PCTP: variants seen among roughly 807,000 people sequenced by gnomAD.
The protein encoded by PCTP is START domain-containing protein 2.
PCTP carries 27 observed loss-of-function variants against 31.0 expected under a neutral mutation model. That is an observed-to-expected ratio of 0.87 (90% CI 0.64 to 1.20). The LOEUF is 1.20. Among genes scored for constraint, PCTP ranks in the 50% most tolerant of loss-of-function variants. PCTP has a pLI of 0.00. For missense variants in PCTP, 287 were observed against 268.2 expected (o/e 1.07, Z -0.49); for synonymous variants, 108 against 101.2 (o/e 1.07, Z -0.40).
chr17:55,820,498 C>T lies in PCTP; in HGVS notation c.318-2263C>T, dbSNP rs1048660221. On this transcript the variant is annotated intron_variant, in intron 3 of 3. Transcript: ENST00000572536. ...GGGCCAAGGGGATGAATAGCTCCCT[C>T]GAACCTCTTTCATGAGGTCATTAAT... 4.6e-5 allele frequency among the ~76,000 whole-genome samples: 7 copies of T among 152,182 alleles called. No homozygotes were observed. The East Asian group carries it at 9.7e-4, about 21-fold the overall frequency.
chr17:55,754,114 G>A (rs1354303486), intron 1 of PCTP, among the ~76,000 whole-genome samples: 2 of 152,208 alleles, frequency 1.3e-5, no homozygotes, highest in Non-Finnish European at 2.9e-5. Context: ...TGCGGTGGAC[G>A]TCAGCTAGGT....
chr17:55,823,354 C>T (rs1905295769), downstream of PCTP, among the ~76,000 whole-genome samples: 1 of 152,078 alleles, frequency 6.6e-6, no homozygotes, highest in Non-Finnish European at 1.5e-5. Flanking sequence ...TATTCTACAC[C>T]CAAAGTTAAA....
downstream of PCTP, among the ~76,000 whole-genome samples, chr17:55,779,285 T>C (rs1911474954): frequency 6.6e-6 from 1 of 152,110 alleles, no homozygotes; most frequent in African/African-American, 2.4e-5. Context: ...TGCTGAAGGA[T>C]GATAAGTGCT....
intron 3 of PCTP, among the ~76,000 whole-genome samples, chr17:55,792,910 C>G (rs1912052891): frequency 6.6e-6 from 1 of 152,068 alleles, no homozygotes; most frequent in African/African-American, 2.4e-5. Flanking sequence ...CTGATTTTCT[C>G]AATGGCTTTG....
In PCTP at chr17:55,839,919, C is replaced by CAAAAAAAAAAAAAA. The variant is rs57402824; in HGVS notation, n.506-2793_506-2780dup. Reference sequence around the variant, plus strand: ...TGGGCGACAGAGCGAGACTCAGTCTCAAAAAAAAAAAAAAAAAAAAAAAAA... The same window carrying CAAAAAAAAAAAAAA: ...TGGGCGACAGAGCGAGACTCAGTCTCAAAAAAAAAAAAAAAAAAAAAAAAAAAAAAAAAAAAAAA... On this transcript the variant is annotated intron_variant and non_coding_transcript_variant, in intron 5 of 5. Transcript: ENST00000576221. Among the ~76,000 whole-genome samples the CAAAAAAAAAAAAAA allele has an allele frequency of 3.6e-3, 45 of 12,502 alleles. 2 individuals are homozygous for CAAAAAAAAAAAAAA. The highest frequency in any genetic ancestry group is 6.0e-3 in the Non-Finnish European group (37 of 6,190). The allele number at this position is 12,502 out of a possible 152,430, so 8.2% of individuals were successfully genotyped here.
At chr17:55,820,252 T>A (rs1044799236) in intron 3 of PCTP, among the ~76,000 whole-genome samples, 1 of 152,176 alleles carries the variant, frequency 6.6e-6, no homozygotes, top group African/African-American at 2.4e-5. Context: ...TGGGAGAAAA[T>A]TTCTGCAAAT....
At chr17:55,848,276 C>A in the PCTP span, among the ~76,000 whole-genome samples, 3 of 152,140 alleles carry the variant, frequency 2.0e-5, no homozygotes, top group East Asian at 1.9e-4. Context: ...TAAAATTAAC[C>A]ATCATATTAC....
chr17:55,767,186 T>C (rs1004844306), intron 1 of PCTP, 149 bp from the exon 2 acceptor site: 5 of 422,828 alleles, frequency 1.2e-5, no homozygotes, highest in African/African-American at 2.1e-5. Context: ...GAGTAGGTTG[T>C]GAAAATTTTC....
rs1429987817 is a variant in PCTP, at chr17:55,767,410, A to G, written c.217A>G (p.Met73Val). 5.6e-6 allele frequency: 9 copies of G among 1,612,752 alleles called. No homozygotes were observed. In the African/African-American group the frequency reaches 1.1e-4, roughly 19 times the overall value. ...ACCAACTCTACTGGCAGACATCTAT[A>G]TGGACTCAGATTACAGAAAACAATG... Reference protein sequence around the residue: ...CSPTLLADIYMDSDYRKQWDQ... With the variant: ...CSPTLLADIYVDSDYRKQWDQ... Residue 73 changes from methionine to valine, a missense_variant, in exon 2 of 6, where the codon ATG (methionine) becomes GTG (valine). Physicochemically the swap from Met to Val is conservative, Grantham distance 21. Coordinates refer to ENST00000268896, the MANE Select transcript of PCTP (RefSeq NM_021213.4).
Position 55,751,142 on chromosome 17 carries a change from C to T in PCTP, c.39C>T (p.Phe13=), listed in dbSNP as rs559871573. The T allele has an allele frequency of 7.6e-5, 118 of 1,547,324 alleles. No homozygotes were observed. In the African/African-American group the frequency reaches 1.5e-3, roughly 19 times the overall value. ...LAAGSFSEEQ[F]WEACAELQQP... is the part of the protein sequence containing the mutation. The stretch of plus-strand genomic sequence containing the variant: ...CCGGAAGCTTCTCGGAGGAGCAGTT[C>T]TGGGAGGCCTGCGCCGAGCTCCAGC... The change falls in exon 1 of 6, where the codon TTC becomes TTT. Residue 13 remains phenylalanine, a synonymous_variant. Coordinates refer to ENST00000268896, the MANE Select transcript of PCTP (RefSeq NM_021213.4).
At chr17:55,799,197 C>G (rs1038948212) in intron 3 of PCTP, among the ~76,000 whole-genome samples, 3 of 151,870 alleles carry the variant, frequency 2.0e-5, no homozygotes, top group Admixed American at 1.3e-4. Context: ...AGTGTGTTAA[C>G]TATTCAAACA....
intron 2 of PCTP, among the ~76,000 whole-genome samples, chr17:55,782,853 G>A (rs1156539026): frequency 3.3e-5 from 5 of 152,156 alleles, no homozygotes; most frequent in African/African-American, 9.7e-5. Flanking sequence ...TGTCTGCATA[G>A]CATGTAATAC....
intron 1 of PCTP, chr17:55,751,552 C>A: frequency 7.2e-7 from 1 of 1,384,638 alleles, no homozygotes; most frequent in Non-Finnish European, 9.5e-7. Flanking sequence ...TAGGCCCGTG[C>A]ACACGTCTGC....
At chr17:55,766,947 T>C (rs1466260004) in intron 1 of PCTP, among the ~76,000 whole-genome samples, 7 of 152,158 alleles carry the variant, frequency 4.6e-5, no homozygotes, top group African/African-American at 7.2e-5. Flanking sequence ...TTTTAATGAT[T>C]GCCATTCTAA....
chr17:55,789,262 T>G (rs1567721932), intron 3 of PCTP, among the ~76,000 whole-genome samples: 1 of 152,176 alleles, frequency 6.6e-6, no homozygotes, highest in Non-Finnish European at 1.5e-5. Flanking sequence ...CTCTTTCCTC[T>G]TTGAAAAATA....
At chr17:55,757,874 A>T (rs1478909671) in intron 1 of PCTP, among the ~76,000 whole-genome samples, 1 of 152,212 alleles carries the variant, frequency 6.6e-6, no homozygotes, top group South Asian at 2.1e-4. Flanking sequence ...TGAAAGTGAG[A>T]CCAAAAAATG....
chr17:55,804,397 A>G (rs1328181994), intron 3 of PCTP, among the ~76,000 whole-genome samples: 1 of 152,230 alleles, frequency 6.6e-6, no homozygotes, highest in Non-Finnish European at 1.5e-5. Context: ...TCATTCTACT[A>G]TAAAGACACA....
At chr17:55,794,869 C>T (rs1442802766) in intron 3 of PCTP, among the ~76,000 whole-genome samples, 1 of 151,982 alleles carries the variant, frequency 6.6e-6, no homozygotes, top group Admixed American at 6.6e-5. Flanking sequence ...GTTAAACACT[C>T]TCATTATTAA....
chr17:55,767,828 C>CA (rs1451711776), intron 2 of PCTP, among the ~76,000 whole-genome samples: 1 of 137,204 alleles, frequency 7.3e-6, no homozygotes, highest in Non-Finnish European at 1.5e-5. Flanking sequence ...TGCAGTGACT[C>CA]ACGCCTGTAA....
Sources: allele counts gnomAD v4.1 joint callset (sites outside exome capture counted in the v4.1 genomes callset), GRCh38; gene constraint gnomAD v4.1.1; transcripts MANE v1.5; gene names NCBI Gene and HGNC (gene_info 2026-07-23, HGNC 2026-07-21).